MYT1L: variants seen among roughly 807,000 people sequenced by gnomAD.
MYT1L encodes myelin transcription factor 1-like protein.
Under a neutral mutation model 126.7 loss-of-function variants are expected in MYT1L, and 12 were observed. The ratio of observed to expected loss-of-function variants is 0.09; its 90% CI spans 0.06 to 0.15. MYT1L has a LOEUF of 0.15. Among genes scored for constraint, MYT1L ranks in the 10% least tolerant of loss-of-function variants. The pLI is 1.00. For synonymous variants in MYT1L, 541 were observed against 604.2 expected, an observed-to-expected ratio of 0.90 and a Z score of 1.53; for missense variants, 979 against 1,585.2, an observed-to-expected ratio of 0.62 and a Z score of 6.49.
intron 8 of MYT1L, among the ~76,000 whole-genome samples, chr2:1,972,477 C>T (rs2059882824): frequency 6.6e-6 from 1 of 152,132 alleles, no homozygotes; most frequent in Admixed American, 6.6e-5. Flanking sequence ...CTCTCTGTTT[C>T]TTCTTTTTTT....
At chr2:2,151,060 C>T (rs1238459401) in intron 3 of MYT1L, among the ~76,000 whole-genome samples, 2 of 152,154 alleles carry the variant, frequency 1.3e-5, no homozygotes, top group Non-Finnish European at 2.9e-5. Context: ...CCTCTTTACA[C>T]TCTTGAAGTA....
chr2:2,161,619 G>T (rs1559186335), intron 3 of MYT1L, among the ~76,000 whole-genome samples: 2 of 152,128 alleles, frequency 1.3e-5, no homozygotes, highest in South Asian at 4.1e-4. Flanking sequence ...ACATTTCCCA[G>T]GTCTCAGTTG....
chr2:2,301,537 A>T (rs2095785631), intron 1 of MYT1L, among the ~76,000 whole-genome samples: 2 of 152,198 alleles, frequency 1.3e-5, no homozygotes, highest in African/African-American at 4.8e-5. Flanking sequence ...TTAATTAAAA[A>T]TTTAAATATG....
intron 3 of MYT1L, among the ~76,000 whole-genome samples, chr2:2,124,926 A>T (rs1190432239): frequency 6.6e-6 from 1 of 152,094 alleles, no homozygotes; most frequent in Non-Finnish European, 1.5e-5. Flanking sequence ...ATCATCCCGT[A>T]TTTTTTTCAA....
At chr2:2,257,332 T>A (rs1206978568) in intron 2 of MYT1L, among the ~76,000 whole-genome samples, 2 of 152,212 alleles carry the variant, frequency 1.3e-5, no homozygotes, top group African/African-American at 4.8e-5. Context: ...TCTCTATCGA[T>A]GATGTCTTAA....
At chr2:2,155,694 G>C (rs1279827551) in intron 3 of MYT1L, among the ~76,000 whole-genome samples, 3 of 152,306 alleles carry the variant, frequency 2.0e-5, no homozygotes, top group South Asian at 4.1e-4. Context: ...ACTTTCTGCT[G>C]ATGACTCAAG....
chr2:2,260,336 T>G (rs944101852), intron 2 of MYT1L, among the ~76,000 whole-genome samples: 1 of 152,196 alleles, frequency 6.6e-6, no homozygotes, highest in East Asian at 1.9e-4. Flanking sequence ...ACTTCAAAAT[T>G]GTAAAGGCAT....
intron 2 of MYT1L, among the ~76,000 whole-genome samples, chr2:2,269,397 T>C (rs1284629467): frequency 6.6e-6 from 1 of 152,168 alleles, no homozygotes; most frequent in Non-Finnish European, 1.5e-5. Flanking sequence ...CATCTCTCAG[T>C]GTCTTTGCTC....
intron 3 of MYT1L, among the ~76,000 whole-genome samples, chr2:2,060,247 C>T (rs979065450): frequency 3.9e-5 from 6 of 152,068 alleles, no homozygotes; most frequent in African/African-American, 7.2e-5. Context: ...ATTTTCACAT[C>T]GTATAGAACA....
chr2:2,226,603 T>A (rs1472690436), intron 2 of MYT1L, among the ~76,000 whole-genome samples: 1 of 152,048 alleles, frequency 6.6e-6, no homozygotes, highest in African/African-American at 2.4e-5. Flanking sequence ...CCTCTCCAAC[T>A]CAGTGGCAGG....
At chr2:2,115,913 G>A (rs1488368961) in intron 3 of MYT1L, among the ~76,000 whole-genome samples, 4 of 150,468 alleles carry the variant, frequency 2.7e-5, no homozygotes, top group Non-Finnish European at 4.4e-5. Flanking sequence ...AAAACAGGAC[G>A]AGCCTGCTGT....
intron 2 of MYT1L, among the ~76,000 whole-genome samples, chr2:2,190,858 T>C (rs557137947): frequency 1.3e-5 from 2 of 152,324 alleles, no homozygotes; most frequent in East Asian, 1.9e-4. Flanking sequence ...CAATCTTGGC[T>C]CACCACAACC....
chr2:2,273,247 A>C (rs2095298786), intron 2 of MYT1L, among the ~76,000 whole-genome samples: 1 of 152,220 alleles, frequency 6.6e-6, no homozygotes, highest in Non-Finnish European at 1.5e-5. Context: ...GCCATTGAGA[A>C]AAACACTAAA....
Position 1,978,077 on chromosome 2 carries a change from T to C in MYT1L, c.152+1088A>G, listed in dbSNP as rs566847808. Among the ~76,000 whole-genome samples, 5 of 152,360 alleles carry C rather than the reference T, an allele frequency of 3.3e-5. No homozygotes were observed. The South Asian group carries it at 1.0e-3, about 32-fold the overall frequency. On this transcript the variant is annotated intron_variant, in intron 8 of 24. Coordinates refer to ENST00000647738, the MANE Select transcript of MYT1L (RefSeq NM_001303052.2). ...CGTGGGGTCTCTCATTAGACATTCT[T>C]GCCTCCACAAATGCTAGAATGGGGA...
chr2:1,929,852 G>A lies in MYT1L; in HGVS notation c.506-6589C>T, dbSNP rs564357351. On this transcript the variant is annotated intron_variant, in intron 9 of 24. Coordinates refer to ENST00000647738, the MANE Select transcript of MYT1L (RefSeq NM_001303052.2). The surrounding 1 kb of genome is among the most constrained non-coding windows in gnomAD (Gnocchi z 4.7). ...CCATTCATACTCCTTCCACAGGGAC[G>A]AGTCTAGAATTGCCATCTTGGTTTT... Among the ~76,000 whole-genome samples the A allele has an allele frequency of 2.0e-5, 3 of 152,300 alleles. No individual in the cohort carries two copies. Among genetic ancestry groups the A allele is most frequent in the African/African-American group, 7.2e-5 (3 of 41,544 alleles).
chr2:1,987,042 T>C (rs960704974), intron 5 of MYT1L, among the ~76,000 whole-genome samples: 2 of 152,200 alleles, frequency 1.3e-5, no homozygotes, highest in African/African-American at 4.8e-5. Context: ...AGCATAAAAA[T>C]AAGAAAATAG....
chr2:2,137,457 C>A (rs1429789657), intron 3 of MYT1L, among the ~76,000 whole-genome samples: 2 of 152,096 alleles, frequency 1.3e-5, no homozygotes, highest in Non-Finnish European at 1.5e-5. Context: ...AGGCTACAGT[C>A]ACCAAAACAG....
intron 15 of MYT1L, among the ~76,000 whole-genome samples, chr2:1,891,476 G>A (rs894034837): frequency 2.0e-5 from 3 of 152,200 alleles, no homozygotes; most frequent in Non-Finnish European, 4.4e-5. Flanking sequence ...ATTAAAAATA[G>A]ACACTCTTCC....
chr2:2,116,429 T>C (rs566276201), intron 3 of MYT1L, among the ~76,000 whole-genome samples: 37 of 152,232 alleles, frequency 2.4e-4, no homozygotes, highest in Non-Finnish European at 4.7e-4. Context: ...CAGTGATGAC[T>C]TGAATTCTCA....
Sources: gnomAD v4.1 joint callset for allele counts (sites outside exome capture counted in the v4.1 genomes callset) on GRCh38, gnomAD v4.1.1 for gene constraint, Gnocchi (gnomAD v3.1) non-coding constraint, MANE v1.5 for transcripts, NCBI Gene and HGNC (gene_info 2026-07-23, HGNC 2026-07-21) for gene names.